The following GPM6A variants were observed in gnomAD, a reference collection of about 807,000 sequenced individuals.
The protein encoded by GPM6A is glycoprotein M6A.
A neutral mutation model predicts 32.1 loss-of-function variants in GPM6A; 7 were observed. That is an observed-to-expected ratio of 0.22 (90% CI 0.12 to 0.41). GPM6A has a LOEUF of 0.41. Among genes scored for constraint, GPM6A ranks in the 10% least tolerant of loss-of-function variants. The pLI, the probability that GPM6A is intolerant of heterozygous loss-of-function variation, is 1.00. For synonymous variants in GPM6A, 130 were observed against 123.4 expected, an observed-to-expected ratio of 1.05 and a Z score of -0.35; for missense variants, 235 against 347.2, an observed-to-expected ratio of 0.68 and a Z score of 2.57.
At chr4:175,883,935 C>T (rs895078766) in intron 1 of GPM6A, among the ~76,000 whole-genome samples, 1 of 152,082 alleles carries the variant, frequency 6.6e-6, no homozygotes. Context: ...TTATAATGTC[C>T]TATACATTGA....
At chr4:175,808,364 T>C (rs1734783336) in intron 1 of GPM6A, among the ~76,000 whole-genome samples, 1 of 152,216 alleles carries the variant, frequency 6.6e-6, no homozygotes, top group South Asian at 2.1e-4. Context: ...TCAACAATAA[T>C]TGTACAGTAT....
At position 175,993,523 on chromosome 4, in the gene GPM6A, C is replaced by G. The variant is rs185363394; in HGVS notation, c.-23+8786G>C. On this transcript the variant is annotated intron_variant, in intron 1 of 7. Coordinates refer to the GPM6A transcript ENST00000280187. ...TTGGTCTAAGGTTAACTCCCTCCCA[C>G]AACTGTTTTCTATACCCTGTTCTGA... 3.9e-5 allele frequency among the ~76,000 whole-genome samples: 6 copies of G among 152,278 alleles called. No individual in the cohort carries two copies. In the East Asian group the frequency reaches 7.7e-4, roughly 20 times the overall value.
intron 1 of GPM6A, among the ~76,000 whole-genome samples, chr4:175,755,958 AC>A (rs1732507278): frequency 6.6e-6 from 1 of 152,162 alleles, no homozygotes; most frequent in South Asian, 2.1e-4. Context: ...AGAAAGGCAA[AC>A]CAAAAAAGGC....
intron 1 of GPM6A, among the ~76,000 whole-genome samples, chr4:175,764,967 G>C (rs1406817673): frequency 2.0e-5 from 3 of 151,436 alleles, no homozygotes; most frequent in Non-Finnish European, 4.4e-5. Context: ...TCTGCCTCCC[G>C]GGTTCAAGTG....
At chr4:175,947,201 C>A (rs1485429049) in intron 1 of GPM6A, among the ~76,000 whole-genome samples, 1 of 143,434 alleles carries the variant, frequency 7.0e-6, no homozygotes. Context: ...AAAAAAAAAA[C>A]ACTAGCTCGA....
chr4:175,864,529 T>C (rs919411650), intron 1 of GPM6A, among the ~76,000 whole-genome samples: 5 of 152,166 alleles, frequency 3.3e-5, no homozygotes, highest in African/African-American at 1.2e-4. Context: ...TTGTAAGGGT[T>C]CTTCTACTAT....
intron 1 of GPM6A, among the ~76,000 whole-genome samples, chr4:175,997,214 G>A (rs1186757059): frequency 6.6e-6 from 1 of 152,110 alleles, no homozygotes; most frequent in Non-Finnish European, 1.5e-5. Context: ...CCTCAGAACC[G>A]TGAATGAAAA....
At position 175,634,732 on chromosome 4, in the gene GPM6A, A is replaced by C. The variant is rs552939980; in HGVS notation, c.*173T>G. ...GATCTGATTTACATCAATTTAATAAATTGGGAAATTTAAGTGCTAAACAAC... is the reference window on the plus strand; with the variant it reads ...GATCTGATTTACATCAATTTAATAACTTGGGAAATTTAAGTGCTAAACAAC... On this transcript the variant is annotated 3_prime_UTR_variant, in exon 7 of 7. Transcript: ENST00000393658. The C allele has an allele frequency of 5.6e-5, 29 of 514,196 alleles. No homozygotes were observed. The highest frequency in any genetic ancestry group is 3.5e-4 in the African/African-American group (18 of 51,126). The allele number at this position is 514,196 out of a possible 1,614,324, so 31.9% of individuals were successfully genotyped here. A position where few individuals can be genotyped will look rare whatever the true frequency, so the allele number is the denominator to read the frequency against.
At chr4:175,713,235 C>T (rs915216944) in intron 1 of GPM6A, among the ~76,000 whole-genome samples, 1 of 151,990 alleles carries the variant, frequency 6.6e-6, no homozygotes, top group Non-Finnish European at 1.5e-5. Flanking sequence ...GGGAGTCTCA[C>T]TCTGTCGCCC....
At chr4:175,939,744 G>C (rs1346070048) in intron 1 of GPM6A, among the ~76,000 whole-genome samples, 1 of 152,038 alleles carries the variant, frequency 6.6e-6, no homozygotes, top group Non-Finnish European at 1.5e-5. Context: ...TGGTGACCTA[G>C]AACTAGGATA....
intron 3 of GPM6A, among the ~76,000 whole-genome samples, chr4:175,670,783 A>C (rs559837637): frequency 6.6e-6 from 1 of 152,112 alleles, no homozygotes; most frequent in African/African-American, 2.4e-5. Flanking sequence ...ATGCAGACCA[A>C]GTTATGCTTT....
chr4:175,819,171 G>A (rs1232728903), intron 1 of GPM6A, among the ~76,000 whole-genome samples: 1 of 152,154 alleles, frequency 6.6e-6, no homozygotes, highest in Non-Finnish European at 1.5e-5. Context: ...TGGGTAAGCA[G>A]CAGTGGCCTC....
chr4:175,663,790 T>A (rs1186925377), intron 3 of GPM6A, among the ~76,000 whole-genome samples: 1 of 150,420 alleles, frequency 6.6e-6, no homozygotes, highest in East Asian at 2.0e-4. Flanking sequence ...ACGTCCTGGG[T>A]TCACGCCATT....
rs1422580618 is a variant in GPM6A at position 175,719,183 on chromosome 4, C to T, written c.38-17416G>A. On this transcript the variant is annotated intron_variant, in intron 1 of 6. Coordinates refer to ENST00000393658, the MANE Select transcript of GPM6A (RefSeq NM_201591.3). ...CTATCTCATAGTTACTACAACATAC[C>T]GAAATTGGGTATAACACAACTTTTT... Among the ~76,000 whole-genome samples the T allele has an allele frequency of 4.7e-5, 7 of 148,946 alleles. No homozygotes were observed. In the East Asian group the frequency reaches 1.2e-3, roughly 25 times the overall value.
At chr4:175,794,835 G>A (rs1414907571) in intron 1 of GPM6A, among the ~76,000 whole-genome samples, 1 of 10,452 alleles carries the variant, frequency 9.6e-5, no homozygotes, top group Non-Finnish European at 2.0e-4. Context: ...CTTTGCTTTG[G>A]GCCATATTAT....
intron 1 of GPM6A, among the ~76,000 whole-genome samples, chr4:175,929,567 G>C (rs983362820): frequency 6.6e-6 from 1 of 152,116 alleles, no homozygotes; most frequent in African/African-American, 2.4e-5. Flanking sequence ...GACTTGCCAG[G>C]TGTAATATTA....
chr4:175,728,523 T>G (rs1336394539), intron 1 of GPM6A, among the ~76,000 whole-genome samples: 1 of 152,240 alleles, frequency 6.6e-6, no homozygotes, highest in Non-Finnish European at 1.5e-5. Context: ...ATACAAATAA[T>G]TATTTCAAGG....
intron 1 of GPM6A, among the ~76,000 whole-genome samples, chr4:175,726,348 T>C (rs1197202064): frequency 6.6e-6 from 1 of 152,214 alleles, no homozygotes; most frequent in Non-Finnish European, 1.5e-5. Context: ...ATCATTTATT[T>C]ATCTGAATCT....
intron 1 of GPM6A, among the ~76,000 whole-genome samples, chr4:175,854,271 G>A (rs373862360): frequency 2.0e-5 from 3 of 152,124 alleles, no homozygotes; most frequent in Non-Finnish European, 4.4e-5. Flanking sequence ...GAGTAGAGGT[G>A]TTTCATCCAG....
Sources: allele counts gnomAD v4.1 joint callset (sites outside exome capture counted in the v4.1 genomes callset), GRCh38; gene constraint gnomAD v4.1.1; transcripts MANE v1.5; gene names NCBI Gene and HGNC (gene_info 2026-07-23, HGNC 2026-07-21).